MGAT4D: variants seen among roughly 807,000 people sequenced by gnomAD.
MGAT4D encodes the protein alpha-1,3-mannosyl-glycoprotein 4-beta-N-acetylglucosaminyltransferase-like protein MGAT4D.
In MGAT4D, 34 loss-of-function variants were observed where a neutral mutation model predicts 15.9. The observed-to-expected ratio is 2.14, with a 90% CI of 1.62 to 2.84. The LOEUF (loss-of-function observed/expected upper bound fraction) is 2.84. MGAT4D is among the 30% of genes most tolerant of loss of function. MGAT4D has a pLI of 0.00. For synonymous variants in MGAT4D, 112 were observed against 48.2 expected, an observed-to-expected ratio of 2.33 and a Z score of -5.49; for missense variants, 327 against 140.2, an observed-to-expected ratio of 2.33 and a Z score of -6.73.
chr4:140,481,338 A>C (rs997298964), intron 2 of MGAT4D, among the ~76,000 whole-genome samples: 4 of 152,126 alleles, frequency 2.6e-5, no homozygotes, highest in Non-Finnish European at 4.4e-5. Context: ...GGAGTGACTA[A>C]ACTCTCATAC....
At chr4:140,446,518 C>T (rs563682202) in intron 10 of MGAT4D, among the ~76,000 whole-genome samples, 4 of 152,078 alleles carry the variant, frequency 2.6e-5, no homozygotes, top group African/African-American at 4.8e-5. Context: ...GGCAATGTCT[C>T]CTTTGTCATT....
Position 140,443,406 on chromosome 4 carries a change from A to T in MGAT4D, c.*30T>A, listed in dbSNP as rs533185034. 63 of 523,196 alleles carry T rather than the reference A, an allele frequency of 1.2e-4. 2 individuals are homozygous for T. Among genetic ancestry groups the T allele is most frequent in the African/African-American group, 1.1e-3 (56 of 50,498 alleles). The allele number at this position is 523,196 out of a possible 1,614,324, so 32.4% of individuals were successfully genotyped here. On this transcript the variant is annotated 3_prime_UTR_variant, in exon 11 of 11. Coordinates refer to ENST00000511113, the MANE Select transcript of MGAT4D (RefSeq NM_001277353.2). ...AGATATCAAGGTTATCTGAGGTTCC[A>T]GGTATTACAGAGTTTCTTCTTATTT... is the stretch of plus-strand genomic sequence containing the variant.
At chr4:140,461,303 TCTAA>T (rs1280384180) in intron 7 of MGAT4D, among the ~76,000 whole-genome samples, 2 of 152,204 alleles carry the variant, frequency 1.3e-5, no homozygotes, top group Admixed American at 6.5e-5. Flanking sequence ...TAGGCCTTTC[TCTAA>T]CTTTCTCTCT....
At chr4:140,485,621 C>T (rs1365773813) in intron 1 of MGAT4D, among the ~76,000 whole-genome samples, 2 of 149,178 alleles carry the variant, frequency 1.3e-5, no homozygotes, top group Non-Finnish European at 3.0e-5. Flanking sequence ...GCAGCAATCC[C>T]ACTGTTGGTT....
intron 3 of MGAT4D, among the ~76,000 whole-genome samples, chr4:140,476,502 A>G (rs1267223662): frequency 6.6e-6 from 1 of 152,170 alleles, no homozygotes; most frequent in African/African-American, 2.4e-5. Flanking sequence ...ATTGATTTTT[A>G]TGGATAGATT....
Position 140,456,577 on chromosome 4 carries a change from G to A in MGAT4D, c.1008+12C>T, listed in dbSNP as rs1421763050. On this transcript the variant is annotated intron_variant, in intron 9 of 10. Transcript: ENST00000511113. ...TCCTAAAATATTTGGTATTCATAAA[G>A]TAAATACTCACAAGATCTTCTCCTG... The A allele has an allele frequency of 6.3e-6, 4 of 634,512 alleles. No homozygotes were observed. The African/African-American group carries it at 7.4e-5, about 12-fold the overall frequency. The allele number at this position is 634,512 out of a possible 1,614,324, so 39.3% of individuals were successfully genotyped here. A position where few individuals can be genotyped will look rare whatever the true frequency, so the allele number is the denominator to read the frequency against.
Position 140,443,494 on chromosome 4 carries a change from T to A in MGAT4D, c.1117-50A>T, listed in dbSNP as rs72939880. ...CATCTAGAAATAATATATTAATTCATAAAGATGAAATTATTTTCATAGCAA... is the reference window on the plus strand; with the variant it reads ...CATCTAGAAATAATATATTAATTCAAAAAGATGAAATTATTTTCATAGCAA... On this transcript the variant is annotated intron_variant, in intron 10 of 10. Coordinates refer to ENST00000511113, the MANE Select transcript of MGAT4D (RefSeq NM_001277353.2). 2.7e-3 allele frequency: 1,346 copies of A among 498,488 alleles called. 20 individuals carry two copies. Among genetic ancestry groups the A allele is most frequent in the African/African-American group, 0.022 (1,120 of 50,216 alleles). The allele number at this position is 498,488 out of a possible 1,614,324, so 30.9% of individuals were successfully genotyped here. A position where few individuals can be genotyped will look rare whatever the true frequency, so the allele number is the denominator to read the frequency against.
At chr4:140,494,176 C>T (rs1733686400) in intron 1 of MGAT4D, among the ~76,000 whole-genome samples, 1 of 152,228 alleles carries the variant, frequency 6.6e-6, no homozygotes, top group Non-Finnish European at 1.5e-5. Context: ...CCATGACAGG[C>T]ACTGGCAAAA....
intron 1 of MGAT4D, among the ~76,000 whole-genome samples, chr4:140,497,698 A>G (rs1365679900): frequency 2.0e-5 from 3 of 152,150 alleles, no homozygotes; most frequent in African/African-American, 7.2e-5. Flanking sequence ...GGGCCTGGTG[A>G]TGTAACCCAG....
intron 10 of MGAT4D, among the ~76,000 whole-genome samples, chr4:140,446,068 C>T (rs1730100188): frequency 6.6e-6 from 1 of 151,950 alleles, no homozygotes; most frequent in East Asian, 1.9e-4. Context: ...ATTTGGTTTG[C>T]TGGTTTTTTA....
Position 140,464,991 on chromosome 4 carries a change from C to T in MGAT4D, c.591G>A (p.Arg197=), listed in dbSNP as rs1487175003. 1.4e-6 allele frequency: 1 copy of T among 701,650 alleles called. No individual in the cohort carries two copies. The highest frequency in any genetic ancestry group is 2.6e-6 in the Non-Finnish European group (1 of 384,382). 43.5% of individuals were successfully genotyped at this position (701,650 alleles called of 1,614,324 possible). The change falls in exon 6 of 11, where the codon AGG becomes AGA. Residue 197 remains arginine (R), a synonymous_variant. Transcript: ENST00000511113. ...MITKKFKRQV[R]SGSLEVISIP... is the part of the protein sequence containing the mutation. ...TTGAAATGACCTCTAAGGATCCAGA[C>T]CTCACTTGCCTTTTGAATCTATAAA... is the stretch of plus-strand genomic sequence containing the variant.
intron 5 of MGAT4D, among the ~76,000 whole-genome samples, chr4:140,470,845 A>C (rs1578678769): frequency 6.6e-6 from 1 of 151,076 alleles, no homozygotes; most frequent in Admixed American, 6.6e-5. Flanking sequence ...ATTCCCCATC[A>C]CCACTAGGAC....
Position 140,479,502 on chromosome 4 carries a change from CT to C in MGAT4D, c.378del (p.Thr129LeufsTer20). ...TAAGTTTTCTTACCACCAGTTTTCCCTTTGCCAATGATTACATCAGGATAAA... is the reference window on the plus strand; with the variant it reads ...TAAGTTTTCTTACCACCAGTTTTCCCTTGCCAATGATTACATCAGGATAAA... ...GRIYPDVIIG[K>X]GKTGVSFALG... On this transcript the variant is annotated frameshift_variant, in exon 3 of 11. Transcript: ENST00000511113. LOFTEE classifies it high-confidence loss of function. 2 of 491,064 alleles carry C rather than the reference CT, an allele frequency of 4.1e-6. No homozygotes were observed. Among genetic ancestry groups the C allele is most frequent in the Non-Finnish European group, 7.2e-6 (2 of 277,872 alleles). The allele number at this position is 491,064 out of a possible 1,614,324, so 30.4% of individuals were successfully genotyped here.
At chr4:140,460,765 C>G (rs1040744499) in intron 7 of MGAT4D, among the ~76,000 whole-genome samples, 6 of 152,108 alleles carry the variant, frequency 3.9e-5, no homozygotes, top group African/African-American at 1.4e-4. Context: ...CCACTGCACT[C>G]CAACCTGGGC....
intron 1 of MGAT4D, among the ~76,000 whole-genome samples, chr4:140,492,007 C>G (rs1236459197): frequency 6.6e-6 from 1 of 152,148 alleles, no homozygotes; most frequent in Non-Finnish European, 1.5e-5. Flanking sequence ...ATTTCTCTAC[C>G]TCCTTGAATC....
At chr4:140,470,544 G>T (rs6834547) in intron 5 of MGAT4D, among the ~76,000 whole-genome samples, 37,521 of 152,144 alleles carry the variant, frequency 0.25, 5,002 homozygotes, top group East Asian at 0.48. Flanking sequence ...CATAGGCCCT[G>T]CGTGATGTCA....
intron 5 of MGAT4D, among the ~76,000 whole-genome samples, 167 bp from the exon 6 acceptor site, chr4:140,465,176 T>C (rs1411826796): frequency 6.6e-6 from 1 of 152,238 alleles, no homozygotes; most frequent in African/African-American, 2.4e-5. Context: ...AAGCATTTTT[T>C]TATAAATTAA....
At chr4:140,445,327 T>C (rs1730050105) in intron 10 of MGAT4D, among the ~76,000 whole-genome samples, 2 of 152,236 alleles carry the variant, frequency 1.3e-5, no homozygotes, top group South Asian at 4.1e-4. Context: ...ATGTATGTCT[T>C]CTTTTAAAAA....
intron 9 of MGAT4D, among the ~76,000 whole-genome samples, chr4:140,454,283 C>T (rs1484390666): frequency 6.6e-6 from 1 of 152,104 alleles, no homozygotes; most frequent in African/African-American, 2.4e-5. Context: ...ACATTTCTTT[C>T]TATTCCTAAT....
Sources: gnomAD v4.1 joint callset for allele counts (sites outside exome capture counted in the v4.1 genomes callset) on GRCh38, gnomAD v4.1.1 for gene constraint, MANE v1.5 for transcripts, NCBI Gene and HGNC (gene_info 2026-07-23, HGNC 2026-07-21) for gene names.